Variants in GFPT2 observed in about 807,000 individuals in gnomAD.
The protein encoded by GFPT2 is glutamine--fructose-6-phosphate aminotransferase [isomerizing] 2.
A neutral mutation model predicts 85.6 loss-of-function variants in GFPT2; 62 were observed. The ratio of observed to expected loss-of-function variants is 0.72; its 90% CI spans 0.59 to 0.90. The LOEUF is 0.90. GFPT2 is among the 40% of genes least tolerant of loss of function. The probability of loss-of-function intolerance (pLI) is 0.00; values close to 1 mark genes in which losing one functional copy is unlikely to be tolerated. For synonymous variants in GFPT2, 368 were observed against 344.5 expected (o/e 1.07, Z -0.75); for missense variants, 788 against 893.4 (o/e 0.88, Z 1.50).
In GFPT2 at chr5:180,318,753, C is replaced by G; in HGVS notation, c.958+40G>C. 1 of 1,584,896 alleles carries G rather than the reference C, an allele frequency of 6.3e-7. No individual in the cohort carries two copies. The highest frequency in any genetic ancestry group is 8.6e-7 in the Non-Finnish European group (1 of 1,156,284). On this transcript the variant is annotated intron_variant, in intron 10 of 18. Coordinates refer to ENST00000253778, the MANE Select transcript of GFPT2 (RefSeq NM_005110.4). This position sits in a 1 kb window ranked among gnomAD's most constrained non-coding sequence, Gnocchi z 4.2. ...TCAGGAGCTCCACCAGGCGCGCTGG[C>G]TCCCGAGGCTGCCGCACGTGGACTC...
chr5:180,347,085 G>A (rs889682968), intron 1 of GFPT2, among the ~76,000 whole-genome samples: 1 of 152,240 alleles, frequency 6.6e-6, no homozygotes, highest in African/African-American at 2.4e-5. Context: ...GGGATGCTGA[G>A]CGCCCAGAGG....
intron 2 of GFPT2, among the ~76,000 whole-genome samples, chr5:180,336,999 C>T (rs754070850): frequency 1.3e-5 from 2 of 152,348 alleles, no homozygotes; most frequent in Admixed American, 6.5e-5. Flanking sequence ...TATTAAGAGT[C>T]GACAAGGATT....
At chr5:180,348,212 A>G (rs939074308) in intron 1 of GFPT2, among the ~76,000 whole-genome samples, 1 of 152,240 alleles carries the variant, frequency 6.6e-6, no homozygotes, top group Non-Finnish European at 1.5e-5. Flanking sequence ...CTGCCTCAAC[A>G]GAAGAGTACG....
At chr5:180,336,886 G>A (rs1271836318) in intron 2 of GFPT2, among the ~76,000 whole-genome samples, 2 of 152,256 alleles carry the variant, frequency 1.3e-5, no homozygotes, top group Non-Finnish European at 2.9e-5. Flanking sequence ...GATGGCAATG[G>A]GCCCAGGCAG....
At chr5:180,337,765 G>A (rs1214810745) in intron 2 of GFPT2, among the ~76,000 whole-genome samples, 2 of 152,034 alleles carry the variant, frequency 1.3e-5, no homozygotes, top group East Asian at 3.9e-4. Context: ...CACCACTGCC[G>A]TCTATGCCAT....
rs1307775150 is a variant in GFPT2, at chr5:180,330,720, C to T, written c.514G>A (p.Glu172Lys). 3.1e-6 allele frequency: 5 copies of T among 1,613,126 alleles called. No individual in the cohort carries two copies. The highest frequency in any genetic ancestry group is 2.2e-5 in the East Asian group (1 of 44,872). ...CTCACCAACTGCTGAATGACTCTCT[C>T]GACCAACGTTGAAAACGTAATGTCC... ...TEDITFSTLVERVIQQLEGAF... is the reference protein window; with the variant it reads ...TEDITFSTLVKRVIQQLEGAF... The change falls in exon 6 of 19, where the codon GAG becomes AAG. Residue 172 changes from glutamate (E) to lysine (K), a missense_variant. Coordinates refer to ENST00000253778, the MANE Select transcript of GFPT2 (RefSeq NM_005110.4). This position sits in a 1 kb window ranked among gnomAD's most constrained non-coding sequence, Gnocchi z 4.4.
In GFPT2 at chr5:180,318,977, A is replaced by G. The variant is rs373639047; in HGVS notation, c.795-21T>C. The G allele has an allele frequency of 1.7e-5, 27 of 1,608,962 alleles. No homozygotes were observed. In the South Asian group the frequency reaches 2.1e-4, roughly 12 times the overall value. On this transcript the variant is annotated intron_variant, in intron 9 of 18. Transcript: ENST00000253778. The surrounding 1 kb of genome is among the most constrained non-coding windows in gnomAD (Gnocchi z 4.2). ...TAGCGCTGGGGCAAGGGAAACAGGC[A>G]TCATCAGTGCCCTGCCCTGAGCAGT...
intron 13 of GFPT2, among the ~76,000 whole-genome samples, chr5:180,314,659 A>T (rs116218522): frequency 0.014 from 2,142 of 152,294 alleles, 26 homozygotes; most frequent in Non-Finnish European, 0.023. Context: ...TTTGCAGGGC[A>T]GGCAGGTGCC....
chr5:180,351,150 A>G (rs988518862), intron 1 of GFPT2, among the ~76,000 whole-genome samples: 3 of 152,218 alleles, frequency 2.0e-5, no homozygotes, highest in East Asian at 3.9e-4. Context: ...GAAAACAACC[A>G]TAAAAGGAAA....
In GFPT2 at chr5:180,324,845, G is replaced by A; in HGVS notation, c.647C>T (p.Thr216Ile). 6.2e-7 allele frequency: 1 copy of A among 1,610,976 alleles called. No individual in the cohort carries two copies. Among genetic ancestry groups the A allele is most frequent in the Non-Finnish European group, 8.5e-7 (1 of 1,177,114 alleles). The change falls in exon 8 of 19, where the codon ACA becomes ATA. Residue 216 changes from threonine (T) to isoleucine (I), a missense_variant. By Grantham distance (89) the Thr-to-Ile change is moderately conservative (BLOSUM62 -1). Coordinates refer to ENST00000253778, the MANE Select transcript of GFPT2 (RefSeq NM_005110.4). ...CCTGTATAAGATAGGGATCTGTTCT[G>A]TGGAGAGCTTGTATTTGCTCCGGAC... ...IGVRSKYKLS[T>I]EQIPILYRTC... is the part of the protein sequence containing the mutation.
intron 9 of GFPT2, among the ~76,000 whole-genome samples, chr5:180,322,009 G>C (rs1035083734): frequency 2.1e-4 from 32 of 151,504 alleles, no homozygotes; most frequent in South Asian, 4.2e-4. Flanking sequence ...GGATGGTCTC[G>C]ATCTCCTGAT....
chr5:180,318,085 A>C lies in GFPT2; in HGVS notation c.958+708T>G, dbSNP rs1402621559. ...ATGGCAGACACAGGAGCAGAGAAGG[A>C]GTCTCTGAGGGGGTGACATTTCAAG... On this transcript the variant is annotated intron_variant, in intron 10 of 18. Transcript: ENST00000253778. This position sits in a 1 kb window ranked among gnomAD's most constrained non-coding sequence, Gnocchi z 4.2. 1.3e-5 allele frequency among the ~76,000 whole-genome samples: 2 copies of C among 152,132 alleles called. No homozygotes were observed. Among genetic ancestry groups the C allele is most frequent in the Non-Finnish European group, 2.9e-5 (2 of 68,026 alleles).
chr5:180,311,296 C>G (rs1440092940), intron 15 of GFPT2, among the ~76,000 whole-genome samples: 10 of 152,264 alleles, frequency 6.6e-5, no homozygotes, highest in African/African-American at 2.4e-4. Flanking sequence ...CTCTCCTACT[C>G]TGGCATGTGA....
intron 4 of GFPT2, among the ~76,000 whole-genome samples, chr5:180,335,499 A>G (rs1764376914): frequency 1.3e-5 from 2 of 152,234 alleles, no homozygotes; most frequent in Admixed American, 1.3e-4. Context: ...GGGGAGGAAC[A>G]GTGCCCAGGC....
intron 1 of GFPT2, among the ~76,000 whole-genome samples, chr5:180,344,616 A>G (rs1180521316): frequency 1.3e-5 from 2 of 152,212 alleles, no homozygotes; most frequent in Non-Finnish European, 2.9e-5. Flanking sequence ...TTCTGGGTAC[A>G]GGAGGAGTGA....
intron 13 of GFPT2, 54 bp downstream of exon 13, chr5:180,316,287 G>C (rs529103698): frequency 6.3e-7 from 1 of 1,593,502 alleles, no homozygotes; most frequent in Non-Finnish European, 8.6e-7. Flanking sequence ...GAGAAGAGGA[G>C]AGAGCCCAGA....
intron 14 of GFPT2, among the ~76,000 whole-genome samples, chr5:180,313,475 A>T (rs1336618154): frequency 6.7e-6 from 1 of 150,272 alleles, no homozygotes; most frequent in Non-Finnish European, 1.5e-5. Context: ...CTGTAGTCCC[A>T]GCTACTCGGG....
Position 180,318,071 on chromosome 5 carries a change from A to G in GFPT2, c.958+722T>C, listed in dbSNP as rs1036523144. ...GCTGGGGAGGGACCATGGCAGACAC[A>G]GGAGCAGAGAAGGAGTCTCTGAGGG... is the stretch of plus-strand genomic sequence containing the variant. On this transcript the variant is annotated intron_variant, in intron 10 of 18. Coordinates refer to ENST00000253778, the MANE Select transcript of GFPT2 (RefSeq NM_005110.4). The surrounding 1 kb of genome is among the most constrained non-coding windows in gnomAD (Gnocchi z 4.2). 1.3e-5 allele frequency among the ~76,000 whole-genome samples: 2 copies of G among 152,178 alleles called. No individual in the cohort carries two copies. Among genetic ancestry groups the G allele is most frequent in the Admixed American group, 1.3e-4 (2 of 15,276 alleles).
intron 15 of GFPT2, among the ~76,000 whole-genome samples, chr5:180,308,115 G>C (rs928506452): frequency 7.2e-5 from 11 of 152,230 alleles, no homozygotes; most frequent in African/African-American, 2.4e-4. Flanking sequence ...AATTAGCCGG[G>C]CATGGTGGCG....
Sources: allele counts gnomAD v4.1 joint callset (sites outside exome capture counted in the v4.1 genomes callset), GRCh38; gene constraint gnomAD v4.1.1; non-coding constraint Gnocchi (gnomAD v3.1); transcripts MANE v1.5; gene names NCBI Gene and HGNC (gene_info 2026-07-23, HGNC 2026-07-21).